The following CNTNAP3B variants were observed in gnomAD, a reference collection of about 807,000 sequenced individuals.
The protein encoded by CNTNAP3B is contactin-associated protein-like 3B.
In CNTNAP3B, 25 loss-of-function variants were observed where a neutral mutation model predicts 108.9. The ratio of observed to expected loss-of-function variants is 0.23; its 90% CI spans 0.17 to 0.32. The LOEUF (loss-of-function observed/expected upper bound fraction) is 0.32, where lower values mean the gene tolerates loss of function less well. CNTNAP3B is among the 10% of genes least tolerant of loss of function. The pLI is 1.00. For missense variants in CNTNAP3B, 252 were observed against 1,210.4 expected (o/e 0.21, Z 11.75); for synonymous variants, 103 against 473.4 (o/e 0.22, Z 10.16).
chr9:41,937,019 T>C (rs540088685), intron 14 of CNTNAP3B, among the ~76,000 whole-genome samples: 673 of 152,060 alleles, frequency 4.4e-3, no homozygotes, highest in African/African-American at 0.016. Flanking sequence ...AACAACTCAA[T>C]TTTTAGGAAT....
Position 42,116,987 on chromosome 9 carries a change from T to C in CNTNAP3B, c.85+12023A>G, listed in dbSNP as rs1436985633. Among the ~76,000 whole-genome samples, 2 of 139,548 alleles carry C rather than the reference T, an allele frequency of 1.4e-5. 1 individual carries two copies. Among genetic ancestry groups the C allele is most frequent in the Non-Finnish European group, 3.1e-5 (2 of 65,066 alleles). The allele number at this position is 139,548 out of a possible 152,430, so 91.5% of individuals were successfully genotyped here. A position where few individuals can be genotyped will look rare whatever the true frequency, so the allele number is the denominator to read the frequency against. The stretch of plus-strand genomic sequence containing the variant: ...CAAGAAGAGTTAAATATCCTAAATA[T>C]ATATGCACCCAGTACAGGAGCACCC... On this transcript the variant is annotated intron_variant, in intron 1 of 23. Transcript: ENST00000377561.
chr9:42,103,347 T>A (rs1201867792), intron 2 of CNTNAP3B, among the ~76,000 whole-genome samples: 1 of 147,668 alleles, frequency 6.8e-6, no homozygotes, highest in East Asian at 2.0e-4. Context: ...CAGAACATAT[T>A]TATTTGGTCC....
At chr9:42,121,465 G>A (rs1007745932) in intron 1 of CNTNAP3B, among the ~76,000 whole-genome samples, 4 of 137,840 alleles carry the variant, frequency 2.9e-5, no homozygotes, top group Non-Finnish European at 6.2e-5. Context: ...AAAATCAAAG[G>A]GATGAATGTC....
intron 9 of CNTNAP3B, among the ~76,000 whole-genome samples, chr9:41,982,373 A>AC (rs1825645626): frequency 2.1e-5 from 2 of 95,026 alleles, no homozygotes; most frequent in Admixed American, 2.3e-4. Flanking sequence ...AAGAAAAAAA[A>AC]ACCTACCCCA....
intron 12 of CNTNAP3B, among the ~76,000 whole-genome samples, chr9:41,955,395 A>G (rs1202590252): frequency 3.3e-5 from 5 of 152,298 alleles, no homozygotes; most frequent in Non-Finnish European, 7.3e-5. Context: ...TCCTTATAAT[A>G]TCAGTAGTAA....
intron 2 of CNTNAP3B, among the ~76,000 whole-genome samples, chr9:42,080,661 T>C (rs1827594223): frequency 2.6e-5 from 1 of 38,236 alleles, no homozygotes; most frequent in South Asian, 7.4e-4. Flanking sequence ...GACAAAAATG[T>C]TGTCTTTGTT....
At chr9:42,111,422 T>TAA (rs1828190632) in intron 1 of CNTNAP3B, among the ~76,000 whole-genome samples, 1 of 139,026 alleles carries the variant, frequency 7.2e-6, no homozygotes, top group East Asian at 2.2e-4. Context: ...TCTGTAGAAC[T>TAA]CAACATTGCT....
intron 14 of CNTNAP3B, among the ~76,000 whole-genome samples, chr9:41,930,588 A>C (rs1025418607): frequency 2.0e-4 from 31 of 152,190 alleles, no homozygotes; most frequent in African/African-American, 6.0e-4. Context: ...CTCAGCGCTC[A>C]CCTTTTGTCG....
At chr9:42,113,416 A>C (rs1471172378) in intron 1 of CNTNAP3B, among the ~76,000 whole-genome samples, 2 of 139,900 alleles carry the variant, frequency 1.4e-5, no homozygotes, top group Non-Finnish European at 3.1e-5. Flanking sequence ...TTTTTGGCTA[A>C]AGTATATAAT....
chr9:42,057,204 CT>C (rs200761397), intron 3 of CNTNAP3B, among the ~76,000 whole-genome samples: 15,864 of 19,784 alleles, frequency 0.8, 6,587 homozygotes, highest in Non-Finnish European at 0.87. Context: ...TTATTATGTA[CT>C]TTTTTTTTTT....
chr9:42,056,583 C>A (rs1404130492), intron 3 of CNTNAP3B, among the ~76,000 whole-genome samples: 1 of 137,780 alleles, frequency 7.3e-6, no homozygotes, highest in East Asian at 2.2e-4. Context: ...ATCTCCTGAC[C>A]TCGTGATCTG....
At position 42,075,407 on chromosome 9, in the gene CNTNAP3B, C is replaced by T. The variant is rs1206012039; in HGVS notation, c.390+1462G>A. Among the ~76,000 whole-genome samples the T allele has an allele frequency of 5.1e-5, 7 of 138,396 alleles. 1 individual carries two copies. Among genetic ancestry groups the T allele is most frequent in the Admixed American group, 2.9e-4 (4 of 13,926 alleles). The allele number at this position is 138,396 out of a possible 152,430, so 90.8% of individuals were successfully genotyped here. A position where few individuals can be genotyped will look rare whatever the true frequency, so the allele number is the denominator to read the frequency against. On this transcript the variant is annotated intron_variant, in intron 3 of 23. Transcript: ENST00000377561. Reference sequence around the variant, plus strand: ...AGGAAGCTCACACTGTGAGCGGGCACCAGGAAAGTAAATCACTTGTTCCAG... The same window carrying T: ...AGGAAGCTCACACTGTGAGCGGGCATCAGGAAAGTAAATCACTTGTTCCAG...
chr9:41,927,435 A>G (rs1242006861), intron 15 of CNTNAP3B, among the ~76,000 whole-genome samples: 3 of 149,850 alleles, frequency 2.0e-5, no homozygotes, highest in Admixed American at 1.3e-4. Flanking sequence ...AAAGAAAAGA[A>G]AGAGAGAGAA....
chr9:41,942,201 C>T lies in CNTNAP3B; in HGVS notation c.2081-3801G>A, dbSNP rs113731275. Among the ~76,000 whole-genome samples, 1,204 of 151,968 alleles carry T rather than the reference C, an allele frequency of 7.9e-3. 7 individuals are homozygous for T. The highest frequency in any genetic ancestry group is 0.028 in the African/African-American group (1,146 of 41,176). On this transcript the variant is annotated intron_variant, in intron 13 of 23. Transcript: ENST00000377561. ...AGAGTACAGGATGCTTCTGGCCGGG[C>T]GCGGTGGCTCACGCCTGTAATCCCA...
At chr9:42,059,986 T>A (rs1268305117) in intron 3 of CNTNAP3B, among the ~76,000 whole-genome samples, 1 of 151,100 alleles carries the variant, frequency 6.6e-6, no homozygotes, top group Non-Finnish European at 1.5e-5. Context: ...CAATTTAAAT[T>A]CTGTTTTCTT....
intron 14 of CNTNAP3B, among the ~76,000 whole-genome samples, chr9:41,936,875 G>A (rs1474865981): frequency 6.6e-6 from 1 of 152,308 alleles, no homozygotes; most frequent in Non-Finnish European, 1.5e-5. Flanking sequence ...TAATATCCAT[G>A]TAAATGTATA....
At chr9:41,959,529 T>C (rs1824993359) in intron 12 of CNTNAP3B, among the ~76,000 whole-genome samples, 1 of 152,424 alleles carries the variant, frequency 6.6e-6, no homozygotes, top group Admixed American at 6.5e-5. Context: ...GGTTGTGACT[T>C]TGGTTGAGTC....
chr9:41,964,008 G>T (rs1163098558), intron 11 of CNTNAP3B, among the ~76,000 whole-genome samples: 1 of 151,976 alleles, frequency 6.6e-6, no homozygotes, highest in Admixed American at 6.5e-5. Context: ...CATTGTAAGA[G>T]ATCTTAAAGG....
At chr9:41,977,419 T>C (rs1260307557) in intron 9 of CNTNAP3B, among the ~76,000 whole-genome samples, 1 of 139,898 alleles carries the variant, frequency 7.1e-6, no homozygotes, top group African/African-American at 2.8e-5. Context: ...ATGTGTCATC[T>C]ATAGCAAATG....
Sources: allele counts gnomAD v4.1 joint callset (sites outside exome capture counted in the v4.1 genomes callset), GRCh38; gene constraint gnomAD v4.1.1; transcripts MANE v1.5; gene names NCBI Gene and HGNC (gene_info 2026-07-23, HGNC 2026-07-21).